CHD1L: variants seen among roughly 807,000 people sequenced by gnomAD.
The protein encoded by CHD1L is chromodomain helicase DNA binding protein 1 like, also known as ATP-dependent chromatin remodeler CHD1L.
Under a neutral mutation model 115.9 loss-of-function variants are expected in CHD1L, and 118 were observed. The ratio of observed to expected loss-of-function variants is 1.02; its 90% CI spans 0.88 to 1.19. The LOEUF (loss-of-function observed/expected upper bound fraction) is 1.19, where lower values mean the gene tolerates loss of function less well. Ranked by LOEUF, CHD1L falls within the 50% of genes most tolerant of loss-of-function variation. The pLI is 0.00. For missense variants in CHD1L, 1,179 were observed against 1,065.3 expected (o/e 1.11, Z -1.49); for synonymous variants, 411 against 387.1 (o/e 1.06, Z -0.72).
intron 19 of CHD1L, among the ~76,000 whole-genome samples, chr1:147,291,245 A>G (rs1340145930): frequency 3.3e-5 from 5 of 152,160 alleles, no homozygotes; most frequent in African/African-American, 1.2e-4. Flanking sequence ...TGATGTCTAC[A>G]GGGGTACTTT....
the CHD1L span, chr1:147,225,103 C>T: frequency 6.2e-7 from 1 of 1,605,596 alleles, no homozygotes; most frequent in Non-Finnish European, 8.5e-7. Context: ...AAGCACACAT[C>T]GGTTAACATT....
At chr1:147,228,696 C>G in the CHD1L span, among the ~76,000 whole-genome samples, 9 of 152,042 alleles carry the variant, frequency 5.9e-5, no homozygotes, top group South Asian at 2.1e-4. Context: ...TTTAATGATC[C>G]CCATTCTAAC....
chr1:147,194,460 C>T, the CHD1L span, among the ~76,000 whole-genome samples: 3 of 152,066 alleles, frequency 2.0e-5, no homozygotes, highest in African/African-American at 7.3e-5. Flanking sequence ...ACTCTTTATC[C>T]AATTTGCCAG....
chr1:147,176,830 T>G, the CHD1L span, among the ~76,000 whole-genome samples: 1 of 152,076 alleles, frequency 6.6e-6, no homozygotes, highest in East Asian at 1.9e-4. Context: ...AGCCATAAAT[T>G]TTCTCATCTG....
chr1:147,260,173 G>A, intron 6 of CHD1L: 1 of 303,862 alleles, frequency 3.3e-6, no homozygotes, highest in Non-Finnish European at 6.2e-6. Context: ...ATCACTCAAA[G>A]TCCATAGTTT....
In CHD1L at chr1:147,242,936, G is replaced by A. The variant is rs374668288; in HGVS notation, c.127+106G>A. On this transcript the variant is annotated intron_variant, in intron 1 of 22. Transcript: ENST00000369258. Reference sequence around the variant, plus strand: ...GGGCCGCCCGGTGGGCAGTTTACCCGCTCGCGCCAGGGCCTTCCTTCGCTC... The same window carrying A: ...GGGCCGCCCGGTGGGCAGTTTACCCACTCGCGCCAGGGCCTTCCTTCGCTC... The A allele has an allele frequency of 2.8e-5, 33 of 1,193,798 alleles. No individual in the cohort carries two copies. The East Asian group carries it at 9.9e-4, about 36-fold the overall frequency. The allele number at this position is 1,193,798 out of a possible 1,614,324, so 74.0% of individuals were successfully genotyped here.
intron 6 of CHD1L, among the ~76,000 whole-genome samples, chr1:147,262,493 G>C (rs76811133): frequency 1.3e-5 from 2 of 152,284 alleles, no homozygotes; most frequent in African/African-American, 4.8e-5. Flanking sequence ...CATAGGGTAA[G>C]TTACCTGTAG....
the CHD1L span, among the ~76,000 whole-genome samples, chr1:147,191,152 A>G: frequency 6.6e-6 from 1 of 152,144 alleles, no homozygotes; most frequent in Non-Finnish European, 1.5e-5. Flanking sequence ...ATACGTGTGC[A>G]TGTGTCTTTA....
the CHD1L span, among the ~76,000 whole-genome samples, chr1:147,196,105 T>C: frequency 3.3e-5 from 5 of 152,166 alleles, no homozygotes; most frequent in African/African-American, 4.8e-5. Flanking sequence ...GGCTAAACAG[T>C]ACATGTTTCC....
intron 5 of CHD1L, 153 bp from the exon 6 acceptor site, chr1:147,259,684 A>T (rs1326311404): frequency 7.7e-6 from 5 of 646,740 alleles, no homozygotes; most frequent in Non-Finnish European, 1.4e-5. Flanking sequence ...ATGCACATGT[A>T]GCCTCTCAGG....
the CHD1L span, among the ~76,000 whole-genome samples, chr1:147,212,908 CT>C: frequency 1.6e-3 from 233 of 148,648 alleles, 1 homozygote; most frequent in African/African-American, 5.3e-3. Context: ...GTATAGAGTG[CT>C]TTTTTTTTTA....
intron 13 of CHD1L, 56 bp downstream of exon 13, chr1:147,275,524 A>G: frequency 7.2e-7 from 1 of 1,381,762 alleles, no homozygotes; most frequent in South Asian, 1.2e-5. Flanking sequence ...TGGGTTGTGA[A>G]AAAGGTGAAG....
intron 9 of CHD1L, 98 bp downstream of exon 9, chr1:147,267,616 G>A (rs1559797044): frequency 9.2e-6 from 8 of 870,406 alleles, no homozygotes; most frequent in Admixed American, 2.7e-5. Flanking sequence ...TACTTACTTT[G>A]TCTACTTTGT....
chr1:147,173,337 G>C, the CHD1L span: 1 of 152,388 alleles, frequency 6.6e-6, no homozygotes, highest in Non-Finnish European at 1.5e-5. Flanking sequence ...TCAGTGGGGA[G>C]CGACAAGGAA....
chr1:147,237,812 A>G (rs928793750), upstream of CHD1L, among the ~76,000 whole-genome samples: 2 of 152,238 alleles, frequency 1.3e-5, no homozygotes, highest in Admixed American at 6.5e-5. Flanking sequence ...ATGTGATGGC[A>G]TGGCATGACA....
At chr1:147,220,407 C>T in the CHD1L span, among the ~76,000 whole-genome samples, 10 of 152,298 alleles carry the variant, frequency 6.6e-5, no homozygotes, top group African/African-American at 2.4e-4. Flanking sequence ...TCTCAATCAA[C>T]ATCCCAGCAA....
At chr1:147,180,634 A>G in the CHD1L span, among the ~76,000 whole-genome samples, 3 of 152,210 alleles carry the variant, frequency 2.0e-5, no homozygotes, top group African/African-American at 7.2e-5. Context: ...TCTCAGAGAA[A>G]GGAAGATGCC....
At chr1:147,182,935 C>T in the CHD1L span, among the ~76,000 whole-genome samples, 1 of 152,160 alleles carries the variant, frequency 6.6e-6, no homozygotes, top group Non-Finnish European at 1.5e-5. Flanking sequence ...CGTGGTGGCT[C>T]ACACCTGTAA....
intron 15 of CHD1L, 130 bp downstream of exon 15, chr1:147,280,321 C>T: frequency 1.1e-6 from 1 of 929,250 alleles, no homozygotes; most frequent in Non-Finnish European, 1.5e-6. Flanking sequence ...CATTTGGGCA[C>T]ACTGTTTAAG....
Sources: allele counts gnomAD v4.1 joint callset (sites outside exome capture counted in the v4.1 genomes callset), GRCh38; gene constraint gnomAD v4.1.1; transcripts MANE v1.5; gene names NCBI Gene and HGNC (gene_info 2026-07-23, HGNC 2026-07-21).